Variants in CNTN4 observed in about 807,000 individuals in gnomAD.
The protein encoded by CNTN4 is contactin-4.
A neutral mutation model predicts 122.5 loss-of-function variants in CNTN4; 77 were observed. The observed-to-expected ratio is 0.63, with a 90% CI of 0.52 to 0.76. CNTN4 has a LOEUF of 0.76. Ranked by LOEUF, CNTN4 falls within the 30% of genes least tolerant of loss-of-function variation. The probability of loss-of-function intolerance (pLI) is 0.00; values close to 1 mark genes in which losing one functional copy is unlikely to be tolerated. For synonymous variants in CNTN4, 512 were observed against 447.0 expected (o/e 1.15, Z -1.83); for missense variants, 1,256 against 1,259.1 (o/e 1.00, Z 0.04).
At chr3:2,714,908 G>A (rs1003540171) in intron 4 of CNTN4, among the ~76,000 whole-genome samples, 2 of 152,068 alleles carry the variant, frequency 1.3e-5, no homozygotes, top group Non-Finnish European at 2.9e-5. Context: ...GGCCCAGTTC[G>A]AGAGTATTCA....
At chr3:2,664,718 C>T (rs2084063521) in intron 4 of CNTN4, among the ~76,000 whole-genome samples, 2 of 152,082 alleles carry the variant, frequency 1.3e-5, no homozygotes, top group South Asian at 4.1e-4. Context: ...GCAGAAATAT[C>T]ACCGTTATAC....
chr3:2,835,386 C>T (rs2093203938), intron 7 of CNTN4, among the ~76,000 whole-genome samples: 4 of 151,938 alleles, frequency 2.6e-5, no homozygotes, highest in Admixed American at 2.6e-4. Flanking sequence ...TAAAAATAAG[C>T]ATATAAAGAA....
intron 2 of CNTN4, among the ~76,000 whole-genome samples, chr3:2,247,045 GCCATGCACAAAGCA>G: frequency 6.6e-6 from 1 of 152,004 alleles, no homozygotes; most frequent in East Asian, 1.9e-4. Context: ...GAATGTGAAT[GCCATGCACAAAGCA>G]CATATGCATT....
chr3:2,445,387 A>C (rs980619828), intron 3 of CNTN4, among the ~76,000 whole-genome samples: 3 of 87,352 alleles, frequency 3.4e-5, no homozygotes, highest in African/African-American at 1.4e-4. Context: ...GGTGACAGCT[A>C]TTTTTAATTC....
chr3:2,956,242 G>A (rs1053455499), intron 13 of CNTN4, among the ~76,000 whole-genome samples: 1 of 152,118 alleles, frequency 6.6e-6, no homozygotes, highest in African/African-American at 2.4e-5. Context: ...TAGGCAAATG[G>A]ATAGAGACAG....
chr3:2,316,669 T>G (rs985707866), intron 2 of CNTN4, among the ~76,000 whole-genome samples: 2 of 152,108 alleles, frequency 1.3e-5, no homozygotes, highest in South Asian at 2.1e-4. Flanking sequence ...TCTTTTGTCT[T>G]CATTTTCCCC....
intron 13 of CNTN4, among the ~76,000 whole-genome samples, chr3:2,955,993 A>G (rs1220291321): frequency 6.6e-6 from 1 of 152,232 alleles, no homozygotes; most frequent in African/African-American, 2.4e-5. Context: ...TTGTACATCC[A>G]TGTTCATTGC....
At chr3:3,025,972 G>A in intron 14 of CNTN4, 130 bp from the exon 15 acceptor site, 8 of 874,804 alleles carry the variant, frequency 9.1e-6, no homozygotes, top group Non-Finnish European at 1.3e-5. Flanking sequence ...GAGGTTTGCT[G>A]GTCACAGCCT....
intron 13 of CNTN4, among the ~76,000 whole-genome samples, chr3:2,940,707 A>C (rs2094607529): frequency 6.7e-6 from 1 of 149,174 alleles, no homozygotes; most frequent in Non-Finnish European, 1.5e-5. Flanking sequence ...TAGGAAGAGA[A>C]GATGAGTAAA....
intron 3 of CNTN4, among the ~76,000 whole-genome samples, chr3:2,527,080 G>C (rs1218000896): frequency 6.6e-6 from 1 of 152,130 alleles, no homozygotes; most frequent in Admixed American, 6.6e-5. Flanking sequence ...CATTCCTTAA[G>C]AATGAGGTTG....
chr3:2,627,678 A>G (rs966645715), intron 4 of CNTN4, among the ~76,000 whole-genome samples: 2 of 151,832 alleles, frequency 1.3e-5, no homozygotes, highest in African/African-American at 4.8e-5. Flanking sequence ...TATTTTTAGT[A>G]GAGACGGGGT....
At chr3:2,386,720 G>A (rs761337358) in intron 3 of CNTN4, among the ~76,000 whole-genome samples, 1 of 152,012 alleles carries the variant, frequency 6.6e-6, no homozygotes, top group Non-Finnish European at 1.5e-5. Context: ...GAAACGAAAG[G>A]GAAACATTTC....
At position 2,969,109 on chromosome 3, in the gene CNTN4, C is replaced by G. The variant is rs145458446; in HGVS notation, c.1359-19236C>G. 4.8e-4 allele frequency among the ~76,000 whole-genome samples: 73 copies of G among 152,302 alleles called. 1 individual carries two copies. In the East Asian group the frequency reaches 8.7e-3, roughly 18 times the overall value. ...ATTTTCATAATATTTCAAAGGGAAT[C>G]TGCTGACTCACGTATCTGAAAATTT... On this transcript the variant is annotated intron_variant, in intron 13 of 24. Coordinates refer to ENST00000418658, the MANE Select transcript of CNTN4 (RefSeq NM_175607.3).
intron 12 of CNTN4, among the ~76,000 whole-genome samples, chr3:2,918,109 C>A (rs932920372): frequency 6.6e-6 from 1 of 152,120 alleles, no homozygotes; most frequent in African/African-American, 2.4e-5. Context: ...TCATTGCCTG[C>A]AAAACTGTTT....
intron 4 of CNTN4, among the ~76,000 whole-genome samples, chr3:2,708,539 A>G (rs2086884136): frequency 6.6e-6 from 1 of 152,164 alleles, no homozygotes; most frequent in South Asian, 2.1e-4. Context: ...TTCAGTGACA[A>G]AACTGTGAAG....
rs187695784 is a variant in CNTN4, at chr3:3,008,963, C to T, written c.1487-17139C>T. 9 of 985,308 alleles carry T rather than the reference C, an allele frequency of 9.1e-6. No individual in the cohort carries two copies. The East Asian group carries it at 1.0e-3, about 112-fold the overall frequency. 61.0% of individuals were successfully genotyped at this position (985,308 alleles called of 1,614,324 possible). A position where few individuals can be genotyped will look rare whatever the true frequency, so the allele number is the denominator to read the frequency against. On this transcript the variant is annotated intron_variant, in intron 14 of 24. Coordinates refer to ENST00000418658, the MANE Select transcript of CNTN4 (RefSeq NM_175607.3). Reference sequence around the variant, plus strand: ...GGGCGCCAAACCTTGGGCTGCACGGCTTCAAACTTCGTCATTACAGAATCA... The same window carrying T: ...GGGCGCCAAACCTTGGGCTGCACGGTTTCAAACTTCGTCATTACAGAATCA...
At chr3:2,121,271 G>A (rs940366060) in intron 2 of CNTN4, among the ~76,000 whole-genome samples, 3 of 152,040 alleles carry the variant, frequency 2.0e-5, no homozygotes, top group African/African-American at 4.8e-5. Flanking sequence ...AGGCCGAGGC[G>A]GGCAGATCAC....
intron 4 of CNTN4, among the ~76,000 whole-genome samples, chr3:2,603,244 C>A (rs909110379): frequency 2.6e-5 from 4 of 152,018 alleles, no homozygotes; most frequent in African/African-American, 9.7e-5. Context: ...ATATGCCAAA[C>A]ATGGAAGACT....
intron 4 of CNTN4, among the ~76,000 whole-genome samples, chr3:2,726,419 C>A (rs2088226831): frequency 6.6e-6 from 1 of 152,106 alleles, no homozygotes; most frequent in Non-Finnish European, 1.5e-5. Flanking sequence ...TTAGTCTATC[C>A]AAACCACTTG....
Sources: allele counts gnomAD v4.1 joint callset (sites outside exome capture counted in the v4.1 genomes callset), GRCh38; gene constraint gnomAD v4.1.1; transcripts MANE v1.5; gene names NCBI Gene and HGNC (gene_info 2026-07-23, HGNC 2026-07-21).